The following TIAM2 variants were observed in gnomAD, a reference collection of about 807,000 sequenced individuals.
TIAM2 encodes the protein rho guanine nucleotide exchange factor TIAM2.
In TIAM2, 80 loss-of-function variants were observed where a neutral mutation model predicts 152.9. The observed-to-expected ratio is 0.52, with a 90% confidence interval of 0.44 to 0.63. The LOEUF (loss-of-function observed/expected upper bound fraction) is 0.63. TIAM2 is among the 30% of genes least tolerant of loss of function. TIAM2 has a pLI of 0.00. For synonymous variants in TIAM2, 804 were observed against 838.0 expected (o/e 0.96, Z 0.70); for missense variants, 1,965 against 2,120.1 (o/e 0.93, Z 1.44).
chr6:155,179,491 G>A (rs754278145), intron 12 of TIAM2, 35 bp downstream of exon 12: 2 of 1,558,004 alleles, frequency 1.3e-6, no homozygotes, highest in Non-Finnish European at 1.7e-6. Flanking sequence ...AGGGAATTGT[G>A]TTGTTCATCT....
intron 9 of TIAM2, among the ~76,000 whole-genome samples, chr6:155,167,871 C>T (rs1217385459): frequency 2.6e-5 from 4 of 152,182 alleles, no homozygotes; most frequent in South Asian, 2.1e-4. Context: ...ACAGTATATT[C>T]GATATAAATA....
chr6:155,165,309 T>G lies in TIAM2; in HGVS notation c.2261T>G (p.Leu754Arg), dbSNP rs768843159. ...DSALRKRTLS[L>R]TQRGRNKKGI... ...GCTCTCCGGAAAAGGACACTGTCAC[T>G]GACCCAGCGAGGGAGAAACAAGAAG... is the stretch of plus-strand genomic sequence containing the variant. The change falls in exon 9 of 27, where the codon CTG becomes CGG. Residue 754 changes from leucine (L) to arginine (R), a missense_variant. Around this residue, in one of 3 missense-constraint regions of TIAM2, gnomAD observed 1,025 missense variants for 1,119.4 expected, o/e 0.92. Coordinates refer to ENST00000682666, the MANE Select transcript of TIAM2 (RefSeq NM_012454.4). 6.2e-7 allele frequency: 1 copy of G among 1,614,158 alleles called. No homozygotes were observed. Among genetic ancestry groups the G allele is most frequent in the South Asian group, 1.1e-5 (1 of 91,072 alleles).
Position 155,186,823 on chromosome 6 carries a change from A to AAT in TIAM2, c.3064+3325_3064+3326dup, listed in dbSNP as rs1264779516. On this transcript the variant is annotated intron_variant, in intron 14 of 26. Transcript: ENST00000682666. This position sits in a 1 kb window ranked among gnomAD's most constrained non-coding sequence, Gnocchi z 4.5. ...TAAATGACTTTGAAAAACAGTTTTT[A>AAT]ATACAACTTTGAATTATAACTTAGC... Among the ~76,000 whole-genome samples, 2 of 152,222 alleles carry AAT rather than the reference A, an allele frequency of 1.3e-5. No individual in the cohort carries two copies. The highest frequency in any genetic ancestry group is 2.9e-5 in the Non-Finnish European group (2 of 68,042).
intron 1 of TIAM2, among the ~76,000 whole-genome samples, chr6:155,015,543 G>T (rs1232971084): frequency 2.6e-5 from 4 of 152,164 alleles, no homozygotes; most frequent in Admixed American, 2.6e-4. Flanking sequence ...AATTTTGGAG[G>T]TGGAAGAAGA....
intron 15 of TIAM2, among the ~76,000 whole-genome samples, chr6:155,223,194 A>G (rs1277804078): frequency 2.6e-5 from 4 of 152,202 alleles, no homozygotes; most frequent in Admixed American, 2.6e-4. Flanking sequence ...TTAGGAATTT[A>G]TGAACCGTCA....
chr6:155,130,033 C>T lies in TIAM2; in HGVS notation c.810C>T (p.Pro270=), dbSNP rs140507023. The change falls in exon 4 of 27, where the codon CCC becomes CCT. Residue 270 remains proline, a synonymous_variant. Transcript: ENST00000682666. ...LSEAEGSFLA[P]GMPDPSLHAS... ...AGGCTGAGGGCTCCTTCCTGGCCCC[C>T]GGCATGCCTGACCCCAGTCTCCATG... is the stretch of plus-strand genomic sequence containing the variant. The T allele has an allele frequency of 6.7e-5, 108 of 1,613,948 alleles. No individual in the cohort carries two copies. The highest frequency in any genetic ancestry group is 1.2e-4 in the Admixed American group (7 of 60,010).
chr6:155,226,064 A>T (rs1420582961), intron 15 of TIAM2, among the ~76,000 whole-genome samples: 2 of 152,224 alleles, frequency 1.3e-5, no homozygotes, highest in Non-Finnish European at 1.5e-5. Context: ...GATTCCAAGC[A>T]TTGTTTTAAG....
chr6:155,240,756 G>T, intron 16 of TIAM2, 47 bp downstream of exon 16: 1 of 1,566,286 alleles, frequency 6.4e-7, no homozygotes, highest in Non-Finnish European at 8.6e-7. Flanking sequence ...TTTGATGATG[G>T]CAAGTGGTAT....
At chr6:155,128,846 A>G (rs1779363513) in intron 3 of TIAM2, among the ~76,000 whole-genome samples, 1 of 152,120 alleles carries the variant, frequency 6.6e-6, no homozygotes, top group Admixed American at 6.6e-5. Flanking sequence ...AGCCTGGATG[A>G]TAACAGTGAG....
At chr6:155,133,211 C>G (rs1779485938) in intron 4 of TIAM2, among the ~76,000 whole-genome samples, 1 of 152,108 alleles carries the variant, frequency 6.6e-6, no homozygotes, top group Non-Finnish European at 1.5e-5. Context: ...GCTGGGCATG[C>G]TGGCATGTGC....
rs1780617240 is a variant in TIAM2 at position 155,172,653 on chromosome 6, TATATATATATATATATATATATATA to T, written c.2362-4162_2362-4138del. Among the ~76,000 whole-genome samples, 93 of 15,092 alleles carry T rather than the reference TATATATATATATATATATATATATA, an allele frequency of 6.2e-3. 1 individual carries two copies. Among genetic ancestry groups the T allele is most frequent in the Non-Finnish European group, 0.011 (83 of 7,690 alleles). The allele number at this position is 15,092 out of a possible 152,430, so 9.9% of individuals were successfully genotyped here. On this transcript the variant is annotated intron_variant, in intron 9 of 26. Transcript: ENST00000682666. The stretch of plus-strand genomic sequence containing the variant: ...GAGGCTAGTTGGAAATATATATATA[TATATATATATATATATATATATATA>T]TATATATATTTTTTTTTTTTTTTTT...
intron 2 of TIAM2, among the ~76,000 whole-genome samples, chr6:155,114,014 TTATA>T (rs1212954021): frequency 2.2e-4 from 13 of 58,850 alleles, no homozygotes; most frequent in South Asian, 8.5e-4. Context: ...ATACTTTACT[TTATA>T]TATATATATA....
Position 155,244,750 on chromosome 6 carries a change from C to G in TIAM2, c.3510C>G (p.Asp1170Glu), listed in dbSNP as rs1349591376. Residue 1170 changes from aspartate to glutamate, a missense_variant, in exon 18 of 27, where the codon GAC becomes GAG. Coordinates refer to ENST00000682666, the MANE Select transcript of TIAM2 (RefSeq NM_012454.4). ...TLEDGISASS[D>E]FNTLETPSQF... ...AGGATGGGATTTCAGCATCATCTGACTTTAACACCCTAGAAACCCCCTCAC... is the reference window on the plus strand; with the variant it reads ...AGGATGGGATTTCAGCATCATCTGAGTTTAACACCCTAGAAACCCCCTCAC... 7.4e-6 allele frequency: 12 copies of G among 1,613,698 alleles called. No individual in the cohort carries two copies. Among genetic ancestry groups the G allele is most frequent in the Admixed American group, 1.7e-5 (1 of 59,982 alleles).
At chr6:155,083,157 G>C (rs1277490926) in intron 1 of TIAM2, among the ~76,000 whole-genome samples, 1 of 151,858 alleles carries the variant, frequency 6.6e-6, no homozygotes, top group Non-Finnish European at 1.5e-5. Context: ...AGACCAGCTC[G>C]GTGAACATGG....
chr6:155,130,402 GA>G lies in TIAM2; in HGVS notation c.1183del (p.Arg395GlyfsTer22), dbSNP rs1335750301. The G allele has an allele frequency of 1.2e-6, 2 of 1,613,362 alleles. No homozygotes were observed. The highest frequency in any genetic ancestry group is 4.5e-5 in the East Asian group (2 of 44,882). ...SDWTGSLSRK[K>X]RKLQEPRSKE... ...ACTGGACGGGAAGCCTCTCAAGGAA[GA>G]AAAGGAAACTCCAGGTGAGCATACC... On this transcript the variant is annotated frameshift_variant, in exon 4 of 27. Coordinates refer to ENST00000682666, the MANE Select transcript of TIAM2 (RefSeq NM_012454.4). LOFTEE classifies it high-confidence loss of function.
At position 155,137,180 on chromosome 6, in the gene TIAM2, C is replaced by A; in HGVS notation, c.1198C>A (p.Pro400Thr). 2.5e-6 allele frequency: 4 copies of A among 1,611,186 alleles called. No homozygotes were observed. Among genetic ancestry groups the A allele is most frequent in the Non-Finnish European group, 3.4e-6 (4 of 1,177,860 alleles). The change falls in exon 5 of 27, where the codon CCG becomes ACG. Residue 400 changes from proline (P) to threonine (T), a missense_variant. Physicochemically the swap from Pro to Thr is conservative, Grantham distance 38. Coordinates refer to ENST00000682666, the MANE Select transcript of TIAM2 (RefSeq NM_012454.4). ...LSRKKRKLQE[P>T]RSKEGSDYFD... ...TGATCATGTGTGTTTCTCACAGGAG[C>A]CGAGGTCCAAGGAGGGCAGTGACTA...
chr6:155,095,108 C>T (rs1357556587), intron 2 of TIAM2, among the ~76,000 whole-genome samples: 1 of 152,086 alleles, frequency 6.6e-6, no homozygotes, highest in Non-Finnish European at 1.5e-5. Flanking sequence ...TTGCACACGT[C>T]TGTGATCTAT....
In TIAM2 at chr6:155,233,271, G is replaced by A. The variant is rs558587059; in HGVS notation, c.3169-7259G>A. Among the ~76,000 whole-genome samples, 6 of 152,330 alleles carry A rather than the reference G, an allele frequency of 3.9e-5. No individual in the cohort carries two copies. In the South Asian group the frequency reaches 6.2e-4, roughly 16 times the overall value. Reference sequence around the variant, plus strand: ...TGATGTCTCTGAATAAGACAAAAGAGAATATCAAAGTTGTTGTGATCAAGG... The same window carrying A: ...TGATGTCTCTGAATAAGACAAAAGAAAATATCAAAGTTGTTGTGATCAAGG... On this transcript the variant is annotated intron_variant, in intron 15 of 26. Coordinates refer to ENST00000682666, the MANE Select transcript of TIAM2 (RefSeq NM_012454.4).
At position 155,175,920 on chromosome 6, in the gene TIAM2, G is replaced by T. The variant is rs554713283; in HGVS notation, c.2362-896G>T. On this transcript the variant is annotated intron_variant, in intron 9 of 26. Transcript: ENST00000682666. ...TGAGATAGCTGAAGGATAGAGAAAA[G>T]ATTTCCCAGGACTATGGGTTAATTT... Among the ~76,000 whole-genome samples, 6 of 152,316 alleles carry T rather than the reference G, an allele frequency of 3.9e-5. No individual in the cohort carries two copies. In the South Asian group the frequency reaches 1.2e-3, roughly 32 times the overall value.
Sources: gnomAD v4.1 joint callset for allele counts (sites outside exome capture counted in the v4.1 genomes callset) on GRCh38, gnomAD v4.1.1 for gene constraint, gnomAD v4.1.1 regional missense constraint, Gnocchi (gnomAD v3.1) non-coding constraint, MANE v1.5 for transcripts, NCBI Gene and HGNC (gene_info 2026-07-23, HGNC 2026-07-21) for gene names.